DACH2: variants seen among roughly 807,000 people sequenced by gnomAD.
DACH2 encodes the protein dachshund family transcription factor 2.
A neutral mutation model predicts 35.8 loss-of-function variants in DACH2; 17 were observed. That is an observed-to-expected ratio of 0.48 (90% confidence interval 0.33 to 0.71). DACH2 has a LOEUF of 0.71. Among genes scored for constraint, DACH2 ranks in the 30% least tolerant of loss-of-function variants. DACH2 has a pLI of 0.02. For missense variants in DACH2, 469 were observed against 472.7 expected, an observed-to-expected ratio of 0.99 and a Z score of 0.07; for synonymous variants, 195 against 177.3, an observed-to-expected ratio of 1.10 and a Z score of -0.79.
chrX:86,443,210 T>G (rs1271866920), intron 2 of DACH2, among the ~76,000 whole-genome samples: 1 of 111,984 alleles, frequency 8.9e-6, no homozygotes, highest in Non-Finnish European at 1.9e-5. Flanking sequence ...ATTCTTCCAT[T>G]TATTTGTGCC....
At chrX:86,620,895 G>C (rs2040062829) in intron 3 of DACH2, among the ~76,000 whole-genome samples, 1 of 110,905 alleles carries the variant, frequency 9.0e-6, no homozygotes, top group Non-Finnish European at 1.9e-5. Context: ...GAAGTTCTCT[G>C]TTTTCAGTAT....
chrX:86,359,084 C>CATGTGTGTGT (rs200413091), intron 1 of DACH2, among the ~76,000 whole-genome samples: 5 of 98,516 alleles, frequency 5.1e-5, no homozygotes, highest in African/African-American at 1.8e-4. Flanking sequence ...TATATTTTGT[C>CATGTGTGTGT]GTGTGTGTGT....
intron 2 of DACH2, among the ~76,000 whole-genome samples, chrX:86,449,291 AT>A (rs1304181423): frequency 2.4e-5 from 2 of 81,728 alleles, no homozygotes; most frequent in Non-Finnish European, 4.7e-5. Context: ...TTGTGTCTCT[AT>A]TTCCTTCAGT....
chrX:86,653,070 A>G (rs1320427933), intron 4 of DACH2, among the ~76,000 whole-genome samples: 1 of 111,982 alleles, frequency 8.9e-6, no homozygotes, highest in African/African-American at 3.3e-5. Context: ...TCGAGGTTTT[A>G]TATTTAGGAA....
At chrX:86,823,075 C>T (rs2042529301) in intron 11 of DACH2, among the ~76,000 whole-genome samples, 1 of 111,085 alleles carries the variant, frequency 9.0e-6, no homozygotes, top group East Asian at 2.8e-4. Flanking sequence ...GCCTCCGCCT[C>T]CCAAGTAGCT....
intron 2 of DACH2, among the ~76,000 whole-genome samples, chrX:86,497,814 C>A (rs1172607047): frequency 2.7e-5 from 3 of 110,513 alleles, no homozygotes; most frequent in African/African-American, 6.6e-5. Context: ...GCCAACATGG[C>A]AAAACCCCAT....
At position 86,169,531 on chromosome X, in the gene DACH2, C is replaced by T. The variant is rs184321378; in HGVS notation, c.488+20423C>T. On this transcript the variant is annotated intron_variant, in intron 1 of 11. Coordinates refer to ENST00000373125, the MANE Select transcript of DACH2 (RefSeq NM_053281.3). Reference sequence around the variant, plus strand: ...TAAGGCCAGTAGCTCTTAGACTTGCCCTTTTAATGCTGTTTTCTAGATCCA... The same window carrying T: ...TAAGGCCAGTAGCTCTTAGACTTGCTCTTTTAATGCTGTTTTCTAGATCCA... Among the ~76,000 whole-genome samples, 310 of 110,445 alleles carry T rather than the reference C, an allele frequency of 2.8e-3. 5 individuals carry two copies. The highest frequency in any genetic ancestry group is 0.026 in the Admixed American group (268 of 10,358).
intron 1 of DACH2, among the ~76,000 whole-genome samples, chrX:86,334,645 A>T (rs972859700): frequency 3.6e-5 from 4 of 111,977 alleles, no homozygotes; most frequent in African/African-American, 1.3e-4. Context: ...TTCTTTGTAG[A>T]ATCTGAATAT....
intron 6 of DACH2, among the ~76,000 whole-genome samples, chrX:86,724,391 G>C (rs967701801): frequency 9.0e-6 from 1 of 111,532 alleles, no homozygotes; most frequent in African/African-American, 3.3e-5. Context: ...AGTATGGTGG[G>C]GAGGAATTAT....
chrX:86,388,345 A>G (rs1350775362), intron 2 of DACH2, among the ~76,000 whole-genome samples: 1 of 112,109 alleles, frequency 8.9e-6, no homozygotes, highest in African/African-American at 3.2e-5. Context: ...AGACAGAGTG[A>G]AGCTTTGATG....
intron 3 of DACH2, among the ~76,000 whole-genome samples, chrX:86,573,508 A>G (rs2039398912): frequency 1.8e-5 from 2 of 111,722 alleles, no homozygotes; most frequent in African/African-American, 6.5e-5. Context: ...CCTAGAAGCC[A>G]TAGAGATAGT....
At chrX:86,627,459 A>C (rs2040151583) in intron 3 of DACH2, among the ~76,000 whole-genome samples, 1 of 111,750 alleles carries the variant, frequency 8.9e-6, no homozygotes, top group Non-Finnish European at 1.9e-5. Context: ...TCCGATAGTT[A>C]ATAGAAACAT....
At chrX:86,219,445 C>G (rs932452142) in intron 1 of DACH2, among the ~76,000 whole-genome samples, 13 of 111,373 alleles carry the variant, frequency 1.2e-4, no homozygotes, top group Non-Finnish European at 2.1e-4. Context: ...ATCTTTTCTG[C>G]TCCTCTCCCT....
At chrX:86,606,180 A>G (rs2039855197) in intron 3 of DACH2, among the ~76,000 whole-genome samples, 1 of 111,042 alleles carries the variant, frequency 9.0e-6, no homozygotes. Flanking sequence ...TAAACTGGGC[A>G]TGCTTCTTCT....
chrX:86,176,881 T>A (rs980682359), intron 1 of DACH2, among the ~76,000 whole-genome samples: 1 of 112,160 alleles, frequency 8.9e-6, no homozygotes, highest in African/African-American at 3.2e-5. Context: ...ATACTGGCAA[T>A]GTTATTGGTG....
At chrX:86,589,329 G>C (rs2148347840) in intron 3 of DACH2, among the ~76,000 whole-genome samples, 1 of 109,900 alleles carries the variant, frequency 9.1e-6, no homozygotes, top group South Asian at 3.8e-4. Flanking sequence ...GCTATATTTA[G>C]AGTTAGTTTT....
chrX:86,221,552 T>C (rs2147924063), intron 1 of DACH2, among the ~76,000 whole-genome samples: 1 of 112,414 alleles, frequency 8.9e-6, no homozygotes, highest in South Asian at 3.7e-4. Flanking sequence ...CAGTTGACTT[T>C]TGTGGTTCCA....
intron 1 of DACH2, among the ~76,000 whole-genome samples, chrX:86,178,970 T>G (rs2031392540): frequency 8.9e-6 from 1 of 112,071 alleles, no homozygotes; most frequent in Non-Finnish European, 1.9e-5. Flanking sequence ...TGACACTGTG[T>G]GCACTTCATT....
intron 3 of DACH2, among the ~76,000 whole-genome samples, chrX:86,591,138 T>C (rs771493586): frequency 9.0e-6 from 1 of 111,695 alleles, no homozygotes; most frequent in South Asian, 3.7e-4. Context: ...ATGTCCTTTG[T>C]AGGACATGTG....
Sources: allele counts gnomAD v4.1 joint callset (sites outside exome capture counted in the v4.1 genomes callset), GRCh38; gene constraint gnomAD v4.1.1; transcripts MANE v1.5; gene names NCBI Gene and HGNC (gene_info 2026-07-23, HGNC 2026-07-21).